Variants in ANO3 observed in about 807,000 individuals in gnomAD.
ANO3 encodes anoctamin 3.
In ANO3, 99 loss-of-function variants were observed where a neutral mutation model predicts 144.8. The observed-to-expected ratio is 0.68, with a 90% CI of 0.58 to 0.81. ANO3 has a LOEUF of 0.81. Among genes scored for constraint, ANO3 ranks in the 30% least tolerant of loss-of-function variants. The pLI is 0.00. For synonymous variants in ANO3, 414 were observed against 392.6 expected, an observed-to-expected ratio of 1.05 and a Z score of -0.64; for missense variants, 905 against 1,202.2, an observed-to-expected ratio of 0.75 and a Z score of 3.66.
In ANO3 at chr11:26,527,137, G is replaced by A. The variant is rs1590462055; in HGVS notation, c.737+1458G>A. Among the ~76,000 whole-genome samples, 5 of 152,148 alleles carry A rather than the reference G, an allele frequency of 3.3e-5. No homozygotes were observed. In the Middle Eastern group the frequency reaches 0.01, roughly 311 times the overall value. On this transcript the variant is annotated intron_variant, in intron 7 of 26. Transcript: ENST00000256737. ...TCTGTATATTAAAATTGGAACAAAT[G>A]TCTGTTTATATATAAAGCTATCATG...
At chr11:26,361,846 G>C (rs762672029) in intron 1 of ANO3, among the ~76,000 whole-genome samples, 2 of 152,048 alleles carry the variant, frequency 1.3e-5, no homozygotes, top group Non-Finnish European at 1.5e-5. Context: ...GCCTGTGGGT[G>C]GTAAACCCTG....
upstream of ANO3, among the ~76,000 whole-genome samples, chr11:26,309,312 G>A (rs1854455223): frequency 6.6e-6 from 1 of 152,108 alleles, no homozygotes; most frequent in Admixed American, 6.6e-5. Context: ...CCGAGTTTGG[G>A]GGTGCAGAAT....
At chr11:26,328,394 T>C (rs2133884664), upstream of ANO3, among the ~76,000 whole-genome samples, 1 of 152,322 alleles carries the variant, frequency 6.6e-6, no homozygotes, top group East Asian at 1.9e-4. Context: ...CTTTTCCATT[T>C]CTGTTACCAT....
intron 1 of ANO3, among the ~76,000 whole-genome samples, chr11:26,399,657 T>C (rs1857099080): frequency 6.6e-6 from 1 of 151,996 alleles, no homozygotes; most frequent in Non-Finnish European, 1.5e-5. Context: ...GTTGGTTCAC[T>C]TTTTCTCATT....
intron 1 of ANO3, among the ~76,000 whole-genome samples, chr11:26,315,659 G>GTCTA (rs10635488): frequency 0.23 from 33,975 of 145,926 alleles, 4,539 homozygotes; most frequent in Non-Finnish European, 0.3. Flanking sequence ...CTATCTGTCT[G>GTCTA]TCTATCTATC....
At chr11:26,342,703 G>A (rs1037901) in intron 1 of ANO3, among the ~76,000 whole-genome samples, 150,563 of 152,360 alleles carry the variant, frequency 0.99, 74,417 homozygotes, top group Middle Eastern at 1. Flanking sequence ...AGTAGTTCCC[G>A]TACTCACTCC....
chr11:26,577,747 T>G (rs1178652163), intron 14 of ANO3, among the ~76,000 whole-genome samples: 1 of 152,214 alleles, frequency 6.6e-6, no homozygotes, highest in Non-Finnish European at 1.5e-5. Context: ...TGGGTTTAAC[T>G]AGGGTTGTAT....
intron 10 of ANO3, among the ~76,000 whole-genome samples, 160 bp downstream of exon 10, chr11:26,537,621 A>C (rs947410210): frequency 3.3e-5 from 5 of 152,176 alleles, no homozygotes; most frequent in Non-Finnish European, 5.9e-5. Context: ...GTGGCTGTGC[A>C]CTGGCTCCTC....
At chr11:26,511,812 T>C (rs1861675831) in intron 5 of ANO3, among the ~76,000 whole-genome samples, 1 of 152,190 alleles carries the variant, frequency 6.6e-6, no homozygotes, top group Admixed American at 6.5e-5. Flanking sequence ...TGTGGTGATC[T>C]TTTAAACTAT....
chr11:26,605,031 A>T (rs1290807312), intron 17 of ANO3, among the ~76,000 whole-genome samples: 1 of 152,128 alleles, frequency 6.6e-6, no homozygotes, highest in Non-Finnish European at 1.5e-5. Flanking sequence ...TGCTCATTCA[A>T]TGTGATATTG....
At chr11:26,563,323 T>G in intron 14 of ANO3, 3 of 1,498,230 alleles carry the variant, frequency 2.0e-6, no homozygotes, top group African/African-American at 1.4e-5. Context: ...AACCGAACTC[T>G]ATGCATGTGA....
chr11:26,453,643 A>G (rs1859034051), intron 3 of ANO3, among the ~76,000 whole-genome samples: 1 of 152,052 alleles, frequency 6.6e-6, no homozygotes, highest in Admixed American at 6.5e-5. Flanking sequence ...AGACTTTAAC[A>G]CCCCACTGTC....
At chr11:26,375,718 C>T (rs1856388266) in intron 1 of ANO3, among the ~76,000 whole-genome samples, 1 of 152,132 alleles carries the variant, frequency 6.6e-6, no homozygotes, top group African/African-American at 2.4e-5. Flanking sequence ...GATATATATG[C>T]ATGAGGCAAT....
chr11:26,577,220 A>T (rs1851009649), intron 14 of ANO3, among the ~76,000 whole-genome samples: 1 of 152,228 alleles, frequency 6.6e-6, no homozygotes, highest in Non-Finnish European at 1.5e-5. Flanking sequence ...AGTCATGTAG[A>T]CAGAAAAATT....
chr11:26,565,687 C>T, intron 14 of ANO3: 8 of 1,613,318 alleles, frequency 5.0e-6, no homozygotes, highest in Non-Finnish European at 5.9e-6. Flanking sequence ...TTTTCTTTAT[C>T]TGAGTTTAAG....
At chr11:26,428,358 A>G (rs10742139) in intron 1 of ANO3, among the ~76,000 whole-genome samples, 96,583 of 151,586 alleles carry the variant, frequency 0.64, 32,777 homozygotes, top group Admixed American at 0.79. Flanking sequence ...AACATATTGT[A>G]ATAAAACTAT....
intron 18 of ANO3, among the ~76,000 whole-genome samples, chr11:26,630,657 CT>C (rs1415764347): frequency 1.3e-5 from 2 of 152,276 alleles, no homozygotes; most frequent in African/African-American, 4.8e-5. Flanking sequence ...AGTTTTTGGA[CT>C]TTGAAGGCAT....
chr11:26,488,389 GC>G (rs1365659451), intron 4 of ANO3, among the ~76,000 whole-genome samples: 5 of 152,178 alleles, frequency 3.3e-5, no homozygotes, highest in African/African-American at 9.6e-5. Context: ...CTTCATGGCA[GC>G]CCCTCCCATT....
chr11:26,333,078 G>A (rs1855098115), intron 1 of ANO3, among the ~76,000 whole-genome samples: 1 of 152,090 alleles, frequency 6.6e-6, no homozygotes, highest in African/African-American at 2.4e-5. Flanking sequence ...TTATTATCCA[G>A]AAGCATTAAT....
Sources: allele counts gnomAD v4.1 joint callset (sites outside exome capture counted in the v4.1 genomes callset), GRCh38; gene constraint gnomAD v4.1.1; transcripts MANE v1.5; gene names NCBI Gene and HGNC (gene_info 2026-07-23, HGNC 2026-07-21).